ECT2: variants seen among roughly 807,000 people sequenced by gnomAD.
ECT2 encodes epithelial cell transforming 2.
Under a neutral mutation model 116.9 loss-of-function variants are expected in ECT2, and 61 were observed. That is an observed-to-expected ratio of 0.52 (90% CI 0.42 to 0.65). ECT2 has a LOEUF of 0.65. Ranked by LOEUF, ECT2 falls within the 30% of genes least tolerant of loss-of-function variation. The pLI, the probability that ECT2 is intolerant of heterozygous loss-of-function variation, is 0.00. For missense variants in ECT2, 937 were observed against 1,078.7 expected, an observed-to-expected ratio of 0.87 and a Z score of 1.84; for synonymous variants, 358 against 346.4, an observed-to-expected ratio of 1.03 and a Z score of -0.37.
downstream of ECT2, among the ~76,000 whole-genome samples, chr3:172,825,350 C>T (rs1272135207): frequency 6.6e-6 from 1 of 151,956 alleles, no homozygotes; most frequent in African/African-American, 2.4e-5. Flanking sequence ...ATAATTAATC[C>T]TACAATGGCC....
chr3:172,786,050 G>C (rs1723553236), intron 17 of ECT2, among the ~76,000 whole-genome samples: 1 of 152,220 alleles, frequency 6.6e-6, no homozygotes, highest in Non-Finnish European at 1.5e-5. Context: ...GATTAGAAGA[G>C]TCAACGTGTT....
chr3:172,827,562 G>A, the ECT2 span, among the ~76,000 whole-genome samples: 1 of 152,300 alleles, frequency 6.6e-6, no homozygotes, highest in South Asian at 2.1e-4. Flanking sequence ...TCATATGTGG[G>A]AGCTGAAAAT....
chr3:172,758,880 G>T, intron 5 of ECT2, 100 bp from the exon 6 acceptor site: 1 of 1,021,086 alleles, frequency 9.8e-7, no homozygotes. Flanking sequence ...TGGGAAAGTT[G>T]AATGGCAAGA....
chr3:172,819,235 T>C (rs1730315733), intron 24 of ECT2, among the ~76,000 whole-genome samples: 1 of 151,910 alleles, frequency 6.6e-6, no homozygotes, highest in African/African-American at 2.4e-5. Context: ...CCCAGCTTTT[T>C]AAATGCTTCA....
chr3:172,822,671 A>G (rs773187310), downstream of ECT2, among the ~76,000 whole-genome samples: 15 of 152,030 alleles, frequency 9.9e-5, no homozygotes, highest in African/African-American at 3.4e-4. Flanking sequence ...TCAAAAAGAT[A>G]ATATAAGAAA....
At chr3:172,818,961 A>C in intron 24 of ECT2, 1 of 602,574 alleles carries the variant, frequency 1.7e-6, no homozygotes, top group Non-Finnish European at 2.2e-6. Flanking sequence ...TTTAGGTTTA[A>C]TAGAGTTTCT....
chr3:172,797,404 T>C (rs2108933998), intron 18 of ECT2, among the ~76,000 whole-genome samples: 1 of 152,248 alleles, frequency 6.6e-6, no homozygotes, highest in Non-Finnish European at 1.5e-5. Context: ...TTTTGCTTTT[T>C]CCCCTTTTGA....
At chr3:172,765,353 C>T (rs1032808188) in intron 12 of ECT2, among the ~76,000 whole-genome samples, 3 of 151,932 alleles carry the variant, frequency 2.0e-5, no homozygotes, top group African/African-American at 7.3e-5. Context: ...ATTGTTTCTT[C>T]TCTATTGTAC....
At chr3:172,801,674 T>C (rs1726747756) in intron 18 of ECT2, among the ~76,000 whole-genome samples, 1 of 152,244 alleles carries the variant, frequency 6.6e-6, no homozygotes, top group Admixed American at 6.5e-5. Flanking sequence ...GGGATATAGC[T>C]AGGCACTATC....
chr3:172,787,551 G>T (rs562011353), intron 18 of ECT2, among the ~76,000 whole-genome samples: 1 of 151,992 alleles, frequency 6.6e-6, no homozygotes, highest in Non-Finnish European at 1.5e-5. Flanking sequence ...TTTCTTTTTT[G>T]CTTATGTATT....
chr3:172,783,454 A>G (rs1351534761), intron 15 of ECT2, among the ~76,000 whole-genome samples: 2 of 152,090 alleles, frequency 1.3e-5, no homozygotes, highest in African/African-American at 2.4e-5. Context: ...AATAAATACC[A>G]TGCTTTTGGA....
intron 18 of ECT2, among the ~76,000 whole-genome samples, chr3:172,789,683 A>G (rs1724291752): frequency 6.6e-6 from 1 of 152,186 alleles, no homozygotes; most frequent in African/African-American, 2.4e-5. Flanking sequence ...TGTCTGTAGT[A>G]TTCTAAATCC....
chr3:172,762,323 A>C, intron 8 of ECT2, 93 bp from the exon 9 acceptor site: 1 of 1,322,346 alleles, frequency 7.6e-7, no homozygotes, highest in East Asian at 2.4e-5. Context: ...GATTATGCCA[A>C]GACCTTGAAA....
intron 14 of ECT2, among the ~76,000 whole-genome samples, chr3:172,779,215 C>A (rs1430728594): frequency 1.3e-5 from 2 of 152,144 alleles, no homozygotes; most frequent in East Asian, 3.9e-4. Context: ...AGTATTTAAA[C>A]CTCAGTAGTC....
At chr3:172,815,149 G>A (rs949796927) in intron 22 of ECT2, among the ~76,000 whole-genome samples, 1 of 152,074 alleles carries the variant, frequency 6.6e-6, no homozygotes, top group East Asian at 1.9e-4. Context: ...TCACCCTACC[G>A]GCTCTTGATC....
chr3:172,820,053 TA>T, intron 24 of ECT2, 94 bp from the exon 25 acceptor site: 1 of 806,520 alleles, frequency 1.2e-6, no homozygotes, highest in Non-Finnish European at 1.9e-6. Flanking sequence ...CAGTAATTTG[TA>T]AAATGTAAAA....
intron 14 of ECT2, among the ~76,000 whole-genome samples, chr3:172,781,918 CAT>C (rs1272181321): frequency 6.6e-6 from 1 of 152,138 alleles, no homozygotes; most frequent in African/African-American, 2.4e-5. Flanking sequence ...GTTATCACAT[CAT>C]ATTGGAAAGT....
In ECT2 at chr3:172,802,632, A is replaced by G; in HGVS notation, c.1924A>G (p.Lys642Glu). ...ATTTTTCAGGCATATTAATGAGGAT[A>G]AGAGAAAAACAGAAGCTCAAAAGCA... The part of the protein sequence containing the change: ...KEVMTHINED[K>E]RKTEAQKQIF... Residue 642 changes from lysine (K) to glutamate (E), a missense_variant, in exon 19 of 25, where the codon AAG becomes GAG. Transcript: ENST00000392692. 1 of 1,592,814 alleles carries G rather than the reference A, an allele frequency of 6.3e-7. No individual in the cohort carries two copies. Among genetic ancestry groups the G allele is most frequent in the African/African-American group, 1.3e-5 (1 of 74,262 alleles).
intron 14 of ECT2, among the ~76,000 whole-genome samples, chr3:172,776,158 T>C (rs1041231010): frequency 1.1e-4 from 17 of 151,920 alleles, no homozygotes; most frequent in African/African-American, 4.1e-4. Context: ...AGCTTCTTTT[T>C]TGTAAAATGG....
Sources: gnomAD v4.1 joint callset for allele counts (sites outside exome capture counted in the v4.1 genomes callset) on GRCh38, gnomAD v4.1.1 for gene constraint, MANE v1.5 for transcripts, NCBI Gene and HGNC (gene_info 2026-07-23, HGNC 2026-07-21) for gene names.